The following LRRC4C variants were observed in gnomAD, a reference collection of about 807,000 sequenced individuals.
The protein encoded by LRRC4C is leucine-rich repeat-containing protein 4C.
In LRRC4C, 5 loss-of-function variants were observed where a neutral mutation model predicts 33.6. The ratio of observed to expected loss-of-function variants is 0.15; its 90% CI spans 0.08 to 0.31. The LOEUF is 0.31. LRRC4C is among the 10% of genes least tolerant of loss of function. The probability of loss-of-function intolerance (pLI) is 1.00; values close to 1 mark genes in which losing one functional copy is unlikely to be tolerated. For missense variants in LRRC4C, 560 were observed against 796.7 expected (o/e 0.70, Z 3.58); for synonymous variants, 329 against 302.0 (o/e 1.09, Z -0.93).
rs1393845591 is a variant in LRRC4C at position 40,298,773 on chromosome 11, C to T, written c.-176+20855G>A. ...GGCCTCAGGAAACTTACAATTATGG[C>T]AGAAGGGGAAGAAGCATGTCTTACA... On this transcript the variant is annotated intron_variant, in intron 4 of 6. Coordinates refer to ENST00000528697, the MANE Select transcript of LRRC4C (RefSeq NM_001258419.2). 3.9e-5 allele frequency among the ~76,000 whole-genome samples: 6 copies of T among 151,992 alleles called. No homozygotes were observed. In the East Asian group the frequency reaches 9.7e-4, roughly 25 times the overall value.
At chr11:40,584,455 A>T (rs1958619001) in intron 3 of LRRC4C, among the ~76,000 whole-genome samples, 1 of 151,780 alleles carries the variant, frequency 6.6e-6, no homozygotes, top group African/African-American at 2.4e-5. Context: ...TAACCCTCCA[A>T]CCTACTGTGT....
intron 1 of LRRC4C, among the ~76,000 whole-genome samples, chr11:41,370,758 G>A (rs982805771): frequency 1.3e-5 from 2 of 152,058 alleles, no homozygotes; most frequent in African/African-American, 2.4e-5. Flanking sequence ...TGTCCAGGCT[G>A]GTGTCAAAAC....
At chr11:41,071,802 A>G (rs1232327295) in intron 1 of LRRC4C, among the ~76,000 whole-genome samples, 1 of 152,196 alleles carries the variant, frequency 6.6e-6, no homozygotes, top group Non-Finnish European at 1.5e-5. Context: ...CCTGGAAAGG[A>G]TTCTCTATTC....
At chr11:41,347,516 A>T (rs1951842044) in intron 1 of LRRC4C, among the ~76,000 whole-genome samples, 1 of 152,192 alleles carries the variant, frequency 6.6e-6, no homozygotes, top group African/African-American at 2.4e-5. Context: ...TTCAAGGGTG[A>T]ATTGCTTTTT....
At chr11:40,274,561 G>A (rs1942961155) in intron 4 of LRRC4C, among the ~76,000 whole-genome samples, 1 of 151,738 alleles carries the variant, frequency 6.6e-6, no homozygotes, top group East Asian at 1.9e-4. Context: ...ACAGAGGAGG[G>A]CAAGAAGTGG....
At chr11:40,608,596 G>A (rs1483570693) in intron 3 of LRRC4C, among the ~76,000 whole-genome samples, 1 of 151,988 alleles carries the variant, frequency 6.6e-6, no homozygotes, top group Non-Finnish European at 1.5e-5. Context: ...ACATAGAGTG[G>A]CTAATTGATT....
intron 3 of LRRC4C, among the ~76,000 whole-genome samples, chr11:40,621,679 C>CT (rs1226889221): frequency 6.6e-6 from 1 of 151,710 alleles, no homozygotes; most frequent in Non-Finnish European, 1.5e-5. Flanking sequence ...TTGTCTAACT[C>CT]TTTTTTACTA....
intron 2 of LRRC4C, among the ~76,000 whole-genome samples, chr11:40,789,017 C>A (rs774404587): frequency 7.2e-6 from 1 of 138,698 alleles, no homozygotes; most frequent in Admixed American, 7.8e-5. Context: ...GGCGTGAACC[C>A]GGGAGGCAGA....
At chr11:40,747,452 T>C (rs1239861465) in intron 2 of LRRC4C, among the ~76,000 whole-genome samples, 2 of 151,898 alleles carry the variant, frequency 1.3e-5, no homozygotes, top group East Asian at 3.9e-4. Flanking sequence ...AAAGCAACTA[T>C]TACACCAGAT....
At position 41,117,041 on chromosome 11, in the gene LRRC4C, T is replaced by C. The variant is rs542599030; in HGVS notation, c.-495-183318A>G. ...CTTTGGCCAGTAGAATGTCTAACAG[T>C]TTGTACTAGGAACACTGGAACACTG... On this transcript the variant is annotated intron_variant, in intron 1 of 6. Transcript: ENST00000528697. Among the ~76,000 whole-genome samples, 76 of 152,116 alleles carry C rather than the reference T, an allele frequency of 5.0e-4. 1 individual carries two copies. In the South Asian group the frequency reaches 0.015, roughly 30 times the overall value.
At chr11:41,254,192 A>G (rs906270745) in intron 1 of LRRC4C, among the ~76,000 whole-genome samples, 2 of 152,018 alleles carry the variant, frequency 1.3e-5, no homozygotes, top group African/African-American at 4.8e-5. Flanking sequence ...ACATAAATGA[A>G]AAGGCATGGG....
intron 1 of LRRC4C, among the ~76,000 whole-genome samples, chr11:41,406,980 G>GA (rs1172441176): frequency 6.6e-6 from 1 of 151,998 alleles, no homozygotes; most frequent in African/African-American, 2.4e-5. Context: ...TTATAAAAGG[G>GA]AAAAAATCTT....
Position 41,120,185 on chromosome 11 carries a change from C to A in LRRC4C, c.-495-186462G>T, listed in dbSNP as rs967446151. On this transcript the variant is annotated intron_variant, in intron 1 of 6. Coordinates refer to ENST00000528697, the MANE Select transcript of LRRC4C (RefSeq NM_001258419.2). ...TGACAAATTCCTCAAGCAAAGGAGT[C>A]CAGAGGCTGAGCAGCCAGAAAAAAA... is the stretch of plus-strand genomic sequence containing the variant. 2.0e-5 allele frequency among the ~76,000 whole-genome samples: 3 copies of A among 152,176 alleles called. No individual in the cohort carries two copies. The East Asian group carries it at 5.8e-4, about 30-fold the overall frequency.
chr11:40,373,235 A>C (rs1405160786), intron 3 of LRRC4C, among the ~76,000 whole-genome samples: 1 of 152,138 alleles, frequency 6.6e-6, no homozygotes. Flanking sequence ...GTAATATAGG[A>C]AGGTGTCTTC....
chr11:40,713,422 T>C (rs1224877305), intron 2 of LRRC4C, among the ~76,000 whole-genome samples: 1 of 152,148 alleles, frequency 6.6e-6, no homozygotes, highest in African/African-American at 2.4e-5. Flanking sequence ...CACTGGACAG[T>C]CTGTTATGTG....
At chr11:41,278,160 C>A (rs1459985940) in intron 1 of LRRC4C, among the ~76,000 whole-genome samples, 2 of 152,012 alleles carry the variant, frequency 1.3e-5, no homozygotes, top group African/African-American at 4.8e-5. Context: ...TTGTTTTCTT[C>A]AAATATGTGA....
At chr11:40,118,822 G>A (rs1252243866) in intron 6 of LRRC4C, among the ~76,000 whole-genome samples, 1 of 152,140 alleles carries the variant, frequency 6.6e-6, no homozygotes, top group African/African-American at 2.4e-5. Flanking sequence ...CAGGCAACAT[G>A]TTTTGTTTTT....
At chr11:40,557,426 C>T (rs1216117402) in intron 3 of LRRC4C, among the ~76,000 whole-genome samples, 1 of 151,990 alleles carries the variant, frequency 6.6e-6, no homozygotes, top group African/African-American at 2.4e-5. Flanking sequence ...TTAAGCACAC[C>T]AACACAATAT....
chr11:40,654,091 T>A (rs956448870), intron 2 of LRRC4C, among the ~76,000 whole-genome samples: 1 of 152,214 alleles, frequency 6.6e-6, no homozygotes, highest in Non-Finnish European at 1.5e-5. Context: ...AATGCCTGCA[T>A]GTCCAGAGAC....
Sources: gnomAD v4.1 joint callset for allele counts (sites outside exome capture counted in the v4.1 genomes callset) on GRCh38, gnomAD v4.1.1 for gene constraint, MANE v1.5 for transcripts, NCBI Gene and HGNC (gene_info 2026-07-23, HGNC 2026-07-21) for gene names.